IL6ST: variants seen among roughly 807,000 people sequenced by gnomAD.
IL6ST encodes interleukin 6 cytokine family signal transducer.
IL6ST carries 24 observed loss-of-function variants against 91.3 expected under a neutral mutation model. That is an observed-to-expected ratio of 0.26 (90% CI 0.19 to 0.37). The LOEUF is 0.37. Among genes scored for constraint, IL6ST ranks in the 10% least tolerant of loss-of-function variants. The pLI is 1.00. For synonymous variants in IL6ST, 351 were observed against 373.6 expected (o/e 0.94, Z 0.70); for missense variants, 914 against 1,078.5 (o/e 0.85, Z 2.14).
At chr5:55,975,443 C>G (rs540775248) in intron 3 of IL6ST, among the ~76,000 whole-genome samples, 1 of 152,246 alleles carries the variant, frequency 6.6e-6, no homozygotes, top group South Asian at 2.1e-4. Context: ...TCCGCACAGC[C>G]TACAGAACTG....
chr5:55,982,750 G>A lies in IL6ST; in HGVS notation c.-42C>T, dbSNP rs1753737298. ...CAAATCACAAAATTAGTAAGTGAAGGAGTAGGGATTTGAAGCTAAGTCTTC... is the reference window on the plus strand; with the variant it reads ...CAAATCACAAAATTAGTAAGTGAAGAAGTAGGGATTTGAAGCTAAGTCTTC... On this transcript the variant is annotated 5_prime_UTR_variant, in exon 2 of 17. Transcript: ENST00000381298. 2.5e-6 allele frequency: 1 copy of A among 398,368 alleles called. No homozygotes were observed. The highest frequency in any genetic ancestry group is 4.4e-6 in the Non-Finnish European group (1 of 225,966). The allele number at this position is 398,368 out of a possible 1,614,324, so 24.7% of individuals were successfully genotyped here.
At chr5:55,972,803 T>C (rs1192316002) in intron 3 of IL6ST, among the ~76,000 whole-genome samples, 2 of 151,752 alleles carry the variant, frequency 1.3e-5, no homozygotes, top group Admixed American at 6.6e-5. Flanking sequence ...TGAGGAGTTC[T>C]AGACCAGCCT....
chr5:55,950,188 A>C, intron 14 of IL6ST: 1 of 494,262 alleles, frequency 2.0e-6, no homozygotes, highest in Non-Finnish European at 4.0e-6. Context: ...GTATTTGGGA[A>C]GGAAAGAGAA....
intron 5 of IL6ST, 100 bp from the exon 6 acceptor site, chr5:55,964,412 T>C: frequency 1.4e-6 from 1 of 710,624 alleles, no homozygotes; most frequent in Non-Finnish European, 2.3e-6. Context: ...CCTAGATTGT[T>C]GTAGCAAACT....
At chr5:55,957,470 G>C (rs552297231) in intron 8 of IL6ST, among the ~76,000 whole-genome samples, 179 bp from the exon 9 acceptor site, 25 of 152,210 alleles carry the variant, frequency 1.6e-4, no homozygotes, top group Middle Eastern at 3.4e-3. Context: ...CCTTTAGTCA[G>C]GGTGATAGCC....
intron 5 of IL6ST, 140 bp downstream of exon 5, chr5:55,968,136 A>G (rs1262811056): frequency 3.5e-6 from 3 of 860,420 alleles, no homozygotes; most frequent in Non-Finnish European, 5.1e-6. Context: ...CTCTACTTTT[A>G]CATATATTTG....
chr5:55,942,542 G>A (rs1457942406), intron 16 of IL6ST, 128 bp downstream of exon 16: 1 of 517,444 alleles, frequency 1.9e-6, no homozygotes, highest in Non-Finnish European at 3.5e-6. Flanking sequence ...TTTACTTTTT[G>A]ATTCAGCTTG....
At position 55,939,673 on chromosome 5, in the gene IL6ST, C is replaced by T. The variant is rs1196624616; in HGVS notation, c.*1409G>A. On this transcript the variant is annotated 3_prime_UTR_variant, in exon 17 of 17. Transcript: ENST00000381298. ...AATTTCCTCTTACTTTCTAAGAAAACCCCTATATTTAGCATCTGCTTCCAT... is the reference window on the plus strand; with the variant it reads ...AATTTCCTCTTACTTTCTAAGAAAATCCCTATATTTAGCATCTGCTTCCAT... The T allele has an allele frequency of 9.7e-6, 2 of 206,528 alleles. No individual in the cohort carries two copies. Among genetic ancestry groups the T allele is most frequent in the Non-Finnish European group, 2.0e-5 (2 of 101,052 alleles). 12.8% of individuals were successfully genotyped at this position (206,528 alleles called of 1,614,324 possible). A position where few individuals can be genotyped will look rare whatever the true frequency, so the allele number is the denominator to read the frequency against.
chr5:55,941,867 A>G (rs372793142), intron 16 of IL6ST, 48 bp from the exon 17 acceptor site: 19 of 1,495,462 alleles, frequency 1.3e-5, no homozygotes, highest in African/African-American at 5.6e-5. Flanking sequence ...TTAAAGCCAC[A>G]GAGCTAATGC....
intron 15 of IL6ST, among the ~76,000 whole-genome samples, chr5:55,945,251 T>C (rs1335637850): frequency 6.6e-6 from 1 of 152,184 alleles, no homozygotes; most frequent in African/African-American, 2.4e-5. Context: ...CAAAATTTAC[T>C]ATAGAGCTAT....
chr5:55,937,236 G>C lies in IL6ST; in HGVS notation c.*3846C>G, dbSNP rs1750590910. 1 of 214,342 alleles carries C rather than the reference G, an allele frequency of 4.7e-6. No individual in the cohort carries two copies. The highest frequency in any genetic ancestry group is 9.4e-6 in the Non-Finnish European group (1 of 106,182). The allele number at this position is 214,342 out of a possible 1,614,324, so 13.3% of individuals were successfully genotyped here. ...CACGACCCATCAACTTTAATGAAAT[G>C]GGTAATGAAGTTAAACTAACCAGTT... is the stretch of plus-strand genomic sequence containing the variant. On this transcript the variant is annotated 3_prime_UTR_variant, in exon 17 of 17. Coordinates refer to ENST00000381298, the MANE Select transcript of IL6ST (RefSeq NM_002184.4).
chr5:55,954,882 A>T lies in IL6ST; in HGVS notation c.1378T>A (p.Leu460Ile). The change falls in exon 11 of 17, where the codon TTA becomes ATA. Residue 460 changes from leucine (L) to isoleucine (I), a missense_variant. Transcript: ENST00000381298. ...VKKYILEWCV[L>I]SDKAPCITDW... ...GTGATACAGGGTGCTTTATCTGATA[A>T]CACACACCACTCAAGTATATATTTC... The T allele has an allele frequency of 6.2e-7, 1 of 1,613,482 alleles. No individual in the cohort carries two copies.
intron 2 of IL6ST, among the ~76,000 whole-genome samples, chr5:55,980,930 A>G (rs946959737): frequency 2.0e-5 from 3 of 152,120 alleles, no homozygotes; most frequent in Non-Finnish European, 2.9e-5. Flanking sequence ...GGGTCTCACT[A>G]TGTTGCACAG....
chr5:55,974,980 CACGT>C (rs1028996130), intron 3 of IL6ST, among the ~76,000 whole-genome samples: 4 of 151,620 alleles, frequency 2.6e-5, no homozygotes, highest in African/African-American at 9.7e-5. Flanking sequence ...CACACACACA[CACGT>C]ACACATAAAT....
chr5:55,957,417 T>TTTTTAATG, intron 8 of IL6ST, 126 bp from the exon 9 acceptor site: 1 of 488,094 alleles, frequency 2.0e-6, no homozygotes. Context: ...TCTACCTCTT[T>TTTTTAATG]ATACCAGCAT....
chr5:55,964,668 A>G (rs1752538209), intron 5 of IL6ST, among the ~76,000 whole-genome samples: 1 of 152,106 alleles, frequency 6.6e-6, no homozygotes, highest in Non-Finnish European at 1.5e-5. Context: ...AATTTCTTTA[A>G]GCACAATATG....
chr5:55,954,817 A>G lies in IL6ST; in HGVS notation c.1443T>C (p.Tyr481=). 1 of 1,604,202 alleles carries G rather than the reference A, an allele frequency of 6.2e-7. No homozygotes were observed. The highest frequency in any genetic ancestry group is 8.5e-7 in the Non-Finnish European group (1 of 1,176,434). The change falls in exon 11 of 17, where the codon TAT becomes TAC. Residue 481 remains tyrosine, a synonymous_variant. Coordinates refer to ENST00000381298, the MANE Select transcript of IL6ST (RefSeq NM_002184.4). ...GTTTCTAGCCAGGTATACCTCTTAA[A>G]TAGGTGCGATGCACGGTACCATCTT... ...QQEDGTVHRT[Y]LRGNLAESKC... is the part of the protein sequence containing the mutation.
rs1036000206 is a variant in IL6ST, at chr5:55,936,444, T to G, written c.*4638A>C. The G allele has an allele frequency of 1.4e-5, 3 of 219,890 alleles. No individual in the cohort carries two copies. The highest frequency in any genetic ancestry group is 2.2e-5 in the African/African-American group (1 of 44,484). The allele number at this position is 219,890 out of a possible 1,614,324, so 13.6% of individuals were successfully genotyped here. A position where few individuals can be genotyped will look rare whatever the true frequency, so the allele number is the denominator to read the frequency against. ...AAATCTGGAAAACTAGTGGATAAAT[T>G]TGCCATCTCCATTCTATGTTATTAA... is the stretch of plus-strand genomic sequence containing the variant. On this transcript the variant is annotated 3_prime_UTR_variant, in exon 17 of 17. Transcript: ENST00000381298.
chr5:55,990,300 A>G (rs67485723), intron 1 of IL6ST, among the ~76,000 whole-genome samples: 5,032 of 150,658 alleles, frequency 0.033, 280 homozygotes, highest in African/African-American at 0.11. Flanking sequence ...AAGAAGAAGA[A>G]GAGACTGTAG....
Sources: allele counts gnomAD v4.1 joint callset (sites outside exome capture counted in the v4.1 genomes callset), GRCh38; gene constraint gnomAD v4.1.1; transcripts MANE v1.5; gene names NCBI Gene and HGNC (gene_info 2026-07-23, HGNC 2026-07-21).